The following FANCL variants were observed in gnomAD, a reference collection of about 807,000 sequenced individuals.
FANCL encodes FA complementation group L.
A neutral mutation model predicts 59.4 loss-of-function variants in FANCL; 69 were observed. The ratio of observed to expected loss-of-function variants is 1.16; its 90% CI spans 0.96 to 1.42. FANCL has a LOEUF of 1.42. FANCL is among the 40% of genes most tolerant of loss of function. The probability of loss-of-function intolerance (pLI) is 0.00; values close to 1 mark genes in which losing one functional copy is unlikely to be tolerated. For synonymous variants in FANCL, 180 were observed against 147.1 expected (o/e 1.22, Z -1.62); for missense variants, 519 against 447.2 (o/e 1.16, Z -1.45).
intron 5 of FANCL, among the ~76,000 whole-genome samples, chr2:58,216,522 AAAG>A (rs1176203475): frequency 6.6e-6 from 1 of 152,204 alleles, no homozygotes; most frequent in East Asian, 1.9e-4. Context: ...CTTTTGAAAG[AAAG>A]AATAGTTACC....
chr2:58,211,779 C>T (rs1196994847), intron 5 of FANCL, among the ~76,000 whole-genome samples: 1 of 152,180 alleles, frequency 6.6e-6, no homozygotes, highest in Non-Finnish European at 1.5e-5. Flanking sequence ...TACCACCAGC[C>T]TCTTTGCTAA....
chr2:58,194,319 A>G (rs1391724583), intron 7 of FANCL: 1 of 470,610 alleles, frequency 2.1e-6, no homozygotes, highest in Non-Finnish European at 4.4e-6. Flanking sequence ...ATATCAGTGC[A>G]CTTAAAATCT....
intron 4 of FANCL, among the ~76,000 whole-genome samples, chr2:58,224,498 A>G (rs1457770671): frequency 6.6e-6 from 1 of 151,870 alleles, no homozygotes; most frequent in Non-Finnish European, 1.5e-5. Context: ...TATTATTCTA[A>G]TCTCACACAT....
chr2:58,163,277 C>A, intron 9 of FANCL, 157 bp downstream of exon 9: 1 of 726,278 alleles, frequency 1.4e-6, no homozygotes. Flanking sequence ...ACCGAGATCG[C>A]GCCATTACAC....
chr2:58,203,630 T>G (rs1349637029), intron 6 of FANCL, among the ~76,000 whole-genome samples: 1 of 152,056 alleles, frequency 6.6e-6, no homozygotes, highest in South Asian at 2.1e-4. Flanking sequence ...AGGCATAACC[T>G]CTGCAAATTC....
At chr2:58,182,220 AG>A (rs1649781370) in intron 7 of FANCL, among the ~76,000 whole-genome samples, 1 of 151,860 alleles carries the variant, frequency 6.6e-6, no homozygotes, top group African/African-American at 2.4e-5. Flanking sequence ...GAATCACCTA[AG>A]GAACTTAAAC....
chr2:58,225,958 A>C (rs182101791), intron 4 of FANCL, among the ~76,000 whole-genome samples: 3 of 152,090 alleles, frequency 2.0e-5, no homozygotes, highest in Admixed American at 1.3e-4. Flanking sequence ...CAAAGCAGCT[A>C]TAAGAAATTA....
chr2:58,161,770 T>C (rs1685215592), intron 11 of FANCL, 132 bp from the exon 12 acceptor site: 2 of 664,094 alleles, frequency 3.0e-6, no homozygotes, highest in African/African-American at 1.8e-5. Context: ...ATAATTAAGA[T>C]ATTCATCACC....
At chr2:58,221,115 A>C (rs1186755412) in intron 5 of FANCL, among the ~76,000 whole-genome samples, 1 of 152,002 alleles carries the variant, frequency 6.6e-6, no homozygotes, top group African/African-American at 2.4e-5. Context: ...CGGGAGGCTG[A>C]GGCAGGGGAA....
intron 7 of FANCL, among the ~76,000 whole-genome samples, chr2:58,181,432 C>G (rs1237411564): frequency 2.6e-5 from 4 of 151,986 alleles, no homozygotes; most frequent in Admixed American, 6.6e-5. Context: ...TGTTCTGCAT[C>G]TTGACTGTGG....
chr2:58,188,448 GT>G (rs34502821), intron 7 of FANCL, among the ~76,000 whole-genome samples: 5 of 149,600 alleles, frequency 3.3e-5, no homozygotes, highest in African/African-American at 9.8e-5. Flanking sequence ...TTGTTTTTTG[GT>G]TTTTTTTTGA....
chr2:58,230,881 T>C (rs1693521010), intron 2 of FANCL, among the ~76,000 whole-genome samples: 1 of 152,208 alleles, frequency 6.6e-6, no homozygotes, highest in Non-Finnish European at 1.5e-5. Context: ...ATATATATCT[T>C]TAAAGAACAT....
chr2:58,202,741 C>T (rs1304157933), intron 6 of FANCL, among the ~76,000 whole-genome samples: 1 of 151,812 alleles, frequency 6.6e-6, no homozygotes, highest in Non-Finnish European at 1.5e-5. Context: ...CACAACCTCA[C>T]TCTGAATACT....
intron 3 of FANCL, among the ~76,000 whole-genome samples, chr2:58,228,319 T>G (rs1693234284): frequency 6.6e-6 from 1 of 152,244 alleles, no homozygotes; most frequent in Non-Finnish European, 1.5e-5. Context: ...TTACATTGTT[T>G]TCAACAATGC....
chr2:58,226,763 G>C lies in FANCL; in HGVS notation c.238C>G (p.Leu80Val), dbSNP rs563513081. The change falls in exon 4 of 14, where the codon CTA becomes GTA. Residue 80 changes from leucine (L) to valine (V), a missense_variant. Physicochemically the swap from Leu to Val is conservative, Grantham distance 32 (BLOSUM62 1). Coordinates refer to ENST00000233741, the MANE Select transcript of FANCL (RefSeq NM_018062.4). ...TTCAACTCCATCATAAAGCTCATTA[G>C]ATCAGGAGAGTGCTGCATTCTCTAG... ...VQQRMQHSPD[L>V]MSFMMELKML... 241 of 1,612,942 alleles carry C rather than the reference G, an allele frequency of 1.5e-4. 2 individuals are homozygous for C. In the Middle Eastern group the frequency reaches 1.7e-3, roughly 11 times the overall value.
chr2:58,159,398 A>G lies in FANCL; in HGVS notation c.*367T>C, dbSNP rs749963743. On this transcript the variant is annotated 3_prime_UTR_variant, in exon 14 of 14. Transcript: ENST00000233741. ...TATCAAGAGTCTCAAGAACCTTTGA[A>G]TGAAGTAAACAGTTTCCCACAAAAA... The G allele has an allele frequency of 6.2e-7, 1 of 1,613,288 alleles. No homozygotes were observed. Among genetic ancestry groups the G allele is most frequent in the Non-Finnish European group, 8.5e-7 (1 of 1,179,628 alleles).
chr2:58,198,710 T>C (rs781090269), intron 6 of FANCL, 48 bp from the exon 7 acceptor site: 5 of 1,438,360 alleles, frequency 3.5e-6, no homozygotes, highest in South Asian at 1.1e-5. Context: ...TGTGTGTTAA[T>C]ATCACTGAGG....
Position 58,241,118 on chromosome 2 carries a change from A to C in FANCL, c.96+100T>G, listed in dbSNP as rs1573858890. 3.9e-6 allele frequency: 5 copies of C among 1,293,270 alleles called. No homozygotes were observed. In the East Asian group the frequency reaches 9.7e-5, roughly 25 times the overall value. The allele number at this position is 1,293,270 out of a possible 1,614,324, so 80.1% of individuals were successfully genotyped here. On this transcript the variant is annotated intron_variant, in intron 1 of 13. Coordinates refer to ENST00000233741, the MANE Select transcript of FANCL (RefSeq NM_018062.4). ...TTACGCGCCGCCCCTCTCAATCCCC[A>C]CAAGTCTGGGCCCCTAACCTCCTAG...
intron 11 of FANCL, among the ~76,000 whole-genome samples, chr2:58,162,636 CTG>C (rs1329281498): frequency 6.6e-6 from 1 of 151,910 alleles, no homozygotes; most frequent in Non-Finnish European, 1.5e-5. Context: ...ACTTTAATGT[CTG>C]TGGATTTTTG....
Sources: gnomAD v4.1 joint callset for allele counts (sites outside exome capture counted in the v4.1 genomes callset) on GRCh38, gnomAD v4.1.1 for gene constraint, MANE v1.5 for transcripts, NCBI Gene and HGNC (gene_info 2026-07-23, HGNC 2026-07-21) for gene names.